Variants in FHIT observed in about 807,000 individuals in gnomAD.
The protein encoded by FHIT is bis(5'-adenosyl)-triphosphatase.
Under a neutral mutation model 17.9 loss-of-function variants are expected in FHIT, and 19 were observed. That is an observed-to-expected ratio of 1.06 (90% CI 0.74 to 1.56). FHIT has a LOEUF of 1.56. Among genes scored for constraint, FHIT ranks in the 40% most tolerant of loss-of-function variants. The pLI, the probability that FHIT is intolerant of heterozygous loss-of-function variation, is 0.00. For missense variants in FHIT, 248 were observed against 189.2 expected (o/e 1.31, Z -1.82); for synonymous variants, 81 against 69.7 (o/e 1.16, Z -0.81).
intron 5 of FHIT, among the ~76,000 whole-genome samples, chr3:60,205,503 C>G (rs1179110280): frequency 1.3e-5 from 2 of 152,038 alleles, no homozygotes; most frequent in African/African-American, 4.8e-5. Flanking sequence ...AATGATGAGC[C>G]AAAGGATAGA....
At chr3:61,154,463 CAG>C (rs1475312422) in intron 2 of FHIT, among the ~76,000 whole-genome samples, 2 of 150,782 alleles carry the variant, frequency 1.3e-5, no homozygotes, top group East Asian at 1.9e-4. Flanking sequence ...AAAGGAAAAA[CAG>C]AGAAATTTTG....
chr3:60,019,504 T>C (rs577659867), intron 5 of FHIT, among the ~76,000 whole-genome samples: 83 of 150,826 alleles, frequency 5.5e-4, no homozygotes, highest in African/African-American at 1.8e-3. Flanking sequence ...GTGCAACCTC[T>C]GCTTCCTGGG....
At chr3:60,071,733 C>T (rs1375126825) in intron 5 of FHIT, among the ~76,000 whole-genome samples, 1 of 152,204 alleles carries the variant, frequency 6.6e-6, no homozygotes. Flanking sequence ...AATGTCCCCA[C>T]CCAAATCTCA....
chr3:61,085,201 T>C (rs1044894716), intron 2 of FHIT, among the ~76,000 whole-genome samples: 19 of 152,178 alleles, frequency 1.2e-4, no homozygotes, highest in African/African-American at 4.6e-4. Flanking sequence ...AGTACATGTT[T>C]AACCTTTTCA....
chr3:61,046,317 G>A (rs576676980), intron 2 of FHIT, among the ~76,000 whole-genome samples: 1 of 152,044 alleles, frequency 6.6e-6, no homozygotes, highest in African/African-American at 2.4e-5. Flanking sequence ...TATCACCACC[G>A]ATCCCACAGA....
chr3:60,446,038 A>T (rs72876886), intron 5 of FHIT, among the ~76,000 whole-genome samples: 1 of 152,090 alleles, frequency 6.6e-6, no homozygotes, highest in East Asian at 1.9e-4. Flanking sequence ...CAGCAGTTGG[A>T]AACTGAAATG....
At chr3:61,095,121 C>T (rs1008212812) in intron 2 of FHIT, among the ~76,000 whole-genome samples, 14 of 152,132 alleles carry the variant, frequency 9.2e-5, no homozygotes, top group African/African-American at 3.4e-4. Flanking sequence ...ATGGCACACA[C>T]TATCAGAAAA....
At chr3:60,616,803 A>C (rs1271517928) in intron 4 of FHIT, 1 of 152,182 alleles carries the variant, frequency 6.6e-6, no homozygotes, top group Admixed American at 6.5e-5. Flanking sequence ...CCCAAGCCAA[A>C]GTAAAAGCCA....
At chr3:60,965,502 G>C (rs1709685235) in intron 3 of FHIT, among the ~76,000 whole-genome samples, 1 of 152,206 alleles carries the variant, frequency 6.6e-6, no homozygotes, top group African/African-American at 2.4e-5. Context: ...TCCTTTGTAG[G>C]AGAAGAGGCA....
intron 3 of FHIT, among the ~76,000 whole-genome samples, chr3:60,964,165 G>C (rs1219197211): frequency 6.6e-6 from 1 of 152,070 alleles, no homozygotes; most frequent in Non-Finnish European, 1.5e-5. Flanking sequence ...TTGTTGAATT[G>C]ATCCCTTTAC....
In FHIT at chr3:61,031,817, C is replaced by T. The variant is rs146334034; in HGVS notation, c.-111+10230G>A. Among the ~76,000 whole-genome samples the T allele has an allele frequency of 1.9e-4, 29 of 150,856 alleles. No homozygotes were observed. In the East Asian group the frequency reaches 4.9e-3, roughly 25 times the overall value. Reference sequence around the variant, plus strand: ...CAGGCAACCCTAAAATGACTGAGCGCCATCGCCTGAGATTTATTCCCTGAG... The same window carrying T: ...CAGGCAACCCTAAAATGACTGAGCGTCATCGCCTGAGATTTATTCCCTGAG... On this transcript the variant is annotated intron_variant, in intron 3 of 9. Coordinates refer to ENST00000492590, the MANE Select transcript of FHIT (RefSeq NM_002012.4).
chr3:59,926,795 T>C (rs1192885543), intron 7 of FHIT, among the ~76,000 whole-genome samples: 1 of 152,174 alleles, frequency 6.6e-6, no homozygotes, highest in Non-Finnish European at 1.5e-5. Context: ...TCATACCCAC[T>C]AGAAAGGCAA....
chr3:61,166,579 G>C (rs1267823344), intron 2 of FHIT, among the ~76,000 whole-genome samples: 1 of 152,160 alleles, frequency 6.6e-6, no homozygotes, highest in Admixed American at 6.6e-5. Flanking sequence ...CCCTTCTGCT[G>C]TATGTTTGTT....
chr3:61,167,668 G>A, intron 2 of FHIT, among the ~76,000 whole-genome samples: 3 of 144,456 alleles, frequency 2.1e-5, no homozygotes, highest in African/African-American at 2.6e-5. Context: ...AAAGAGAAAA[G>A]AGAATAAAAG....
At chr3:60,628,795 A>G (rs1553681690) in intron 4 of FHIT, among the ~76,000 whole-genome samples, 2 of 152,322 alleles carry the variant, frequency 1.3e-5, no homozygotes, top group Non-Finnish European at 2.9e-5. Context: ...AATGAAATCA[A>G]TTCCTATGAG....
At chr3:60,508,592 T>C (rs948552849) in intron 5 of FHIT, among the ~76,000 whole-genome samples, 1 of 152,292 alleles carries the variant, frequency 6.6e-6, no homozygotes, top group East Asian at 1.9e-4. Context: ...ATATAATCTA[T>C]GTCATCTTTT....
chr3:59,854,154 C>T (rs1410128050), intron 8 of FHIT, among the ~76,000 whole-genome samples: 1 of 152,150 alleles, frequency 6.6e-6, no homozygotes, highest in Admixed American at 6.5e-5. Flanking sequence ...GTTAGCCCTG[C>T]ACTGCAAGGA....
chr3:59,762,324 G>A (rs1367005623), intron 8 of FHIT, among the ~76,000 whole-genome samples: 2 of 152,156 alleles, frequency 1.3e-5, no homozygotes, highest in African/African-American at 2.4e-5. Flanking sequence ...GATAAGAGGG[G>A]ACTACTGTAG....
intron 5 of FHIT, among the ~76,000 whole-genome samples, chr3:60,326,580 T>C (rs1055761962): frequency 2.6e-5 from 4 of 152,196 alleles, no homozygotes; most frequent in African/African-American, 4.8e-5. Flanking sequence ...TAACAGGCCA[T>C]GGACTGGTCC....
Sources: gnomAD v4.1 joint callset for allele counts (sites outside exome capture counted in the v4.1 genomes callset) on GRCh38, gnomAD v4.1.1 for gene constraint, MANE v1.5 for transcripts, NCBI Gene and HGNC (gene_info 2026-07-23, HGNC 2026-07-21) for gene names.